The following DUSP22 variants were observed in gnomAD, a reference collection of about 807,000 sequenced individuals.
DUSP22 encodes the protein dual specificity protein phosphatase 22.
In DUSP22, 24 loss-of-function variants were observed where a neutral mutation model predicts 24.5. That is an observed-to-expected ratio of 0.98 (90% confidence interval 0.71 to 1.38). The LOEUF (loss-of-function observed/expected upper bound fraction) is 1.38. Among genes scored for constraint, DUSP22 ranks in the 40% most tolerant of loss-of-function variants. The probability of loss-of-function intolerance (pLI) is 0.00; values close to 1 mark genes in which losing one functional copy is unlikely to be tolerated. For synonymous variants in DUSP22, 160 were observed against 106.4 expected (o/e 1.50, Z -3.10); for missense variants, 330 against 269.2 (o/e 1.23, Z -1.58).
At chr6:321,209 TG>T (rs1209493525) in intron 3 of DUSP22, among the ~76,000 whole-genome samples, 2 of 152,294 alleles carry the variant, frequency 1.3e-5, no homozygotes, top group African/African-American at 4.8e-5. Context: ...CACTAAGGGA[TG>T]GGGCATGCAA....
intron 3 of DUSP22, among the ~76,000 whole-genome samples, chr6:316,038 G>A (rs1032640882): frequency 6.6e-6 from 1 of 152,306 alleles, no homozygotes; most frequent in African/African-American, 2.4e-5. Flanking sequence ...GGCCTTTGGC[G>A]ATGCCTAAGA....
At chr6:305,827 T>C (rs945992112) in intron 2 of DUSP22, among the ~76,000 whole-genome samples, 1 of 152,296 alleles carries the variant, frequency 6.6e-6, no homozygotes, top group African/African-American at 2.4e-5. Flanking sequence ...AGGCAGCTAA[T>C]GCTCCTCCCT....
At chr6:332,452 C>G (rs551856543) in intron 3 of DUSP22, among the ~76,000 whole-genome samples, 1 of 152,426 alleles carries the variant, frequency 6.6e-6, no homozygotes. Flanking sequence ...CTCGTGCCCA[C>G]CTGACAAGGT....
intron 1 of DUSP22, among the ~76,000 whole-genome samples, chr6:296,239 A>G (rs1757322791): frequency 6.6e-6 from 1 of 152,302 alleles, no homozygotes. Flanking sequence ...GATGCCCCAC[A>G]CTGGCCAAAA....
intron 3 of DUSP22, among the ~76,000 whole-genome samples, chr6:316,211 G>C (rs1300703764): frequency 6.6e-6 from 1 of 152,306 alleles, no homozygotes; most frequent in Non-Finnish European, 1.5e-5. Flanking sequence ...CAGGGCCAGG[G>C]CTGGAACCAA....
chr6:297,161 G>T (rs900915878), intron 1 of DUSP22, among the ~76,000 whole-genome samples: 1 of 152,302 alleles, frequency 6.6e-6, no homozygotes. Flanking sequence ...TAAGCTTCAG[G>T]ATTTTTTTCC....
chr6:346,154 A>G (rs1047271023), intron 5 of DUSP22, among the ~76,000 whole-genome samples: 3 of 152,270 alleles, frequency 2.0e-5, no homozygotes, highest in Non-Finnish European at 4.4e-5. Flanking sequence ...TCCCATTTCC[A>G]CTGCTAGGAT....
rs568409600 is a variant in DUSP22 at position 316,157 on chromosome 6, A to G, written c.138+4195A>G. ...GTGGATGGTGTTATTTAGTGCCTCT[A>G]TGGCTTAACCAGGCTGGTTCTCACA... On this transcript the variant is annotated intron_variant, in intron 3 of 6. Coordinates refer to ENST00000419235, the MANE Select transcript of DUSP22 (RefSeq NM_001286555.3). Among the ~76,000 whole-genome samples, 7 of 152,414 alleles carry G rather than the reference A, an allele frequency of 4.6e-5. No individual in the cohort carries two copies. In the East Asian group the frequency reaches 7.7e-4, roughly 17 times the overall value.
chr6:301,415 C>T (rs1757575144), intron 1 of DUSP22, among the ~76,000 whole-genome samples: 1 of 152,302 alleles, frequency 6.6e-6, no homozygotes, highest in East Asian at 1.9e-4. Flanking sequence ...GGAAATCCTT[C>T]AGAGATCGGT....
In DUSP22 at chr6:350,634, A is replaced by G. The variant is rs982016348; in HGVS notation, c.*1683A>G. The G allele has an allele frequency of 6.8e-5, 101 of 1,475,884 alleles. No individual in the cohort carries two copies. Among genetic ancestry groups the G allele is most frequent in the Admixed American group, 4.6e-5 (2 of 43,120 alleles). The allele number at this position is 1,475,884 out of a possible 1,614,324, so 91.4% of individuals were successfully genotyped here. On this transcript the variant is annotated 3_prime_UTR_variant, in exon 7 of 7. Transcript: ENST00000419235. ...GCTGTAGAATCATCCATCCGTCTAC[A>G]GCTAAAACAATTTGCCAATAAAGTA...
In DUSP22 at chr6:347,922, T is replaced by C. The variant is rs535729518; in HGVS notation, c.264-181T>C. ...CATGCGATTCTAGTGCCAGGAAGCATAGGGAGCTGGTACGTTGAGTGCTGA... is the reference window on the plus strand; with the variant it reads ...CATGCGATTCTAGTGCCAGGAAGCACAGGGAGCTGGTACGTTGAGTGCTGA... On this transcript the variant is annotated intron_variant, in intron 5 of 6. Transcript: ENST00000419235. Among the ~76,000 whole-genome samples, 3 of 152,410 alleles carry C rather than the reference T, an allele frequency of 2.0e-5. No homozygotes were observed. In the East Asian group the frequency reaches 5.8e-4, roughly 29 times the overall value.
At chr6:342,194 G>T (rs956439476) in intron 4 of DUSP22, among the ~76,000 whole-genome samples, 2 of 152,308 alleles carry the variant, frequency 1.3e-5, no homozygotes, top group Non-Finnish European at 2.9e-5. Flanking sequence ...GTGTTCTGAC[G>T]TGCTCTGTGG....
chr6:348,644 C>T (rs1465789487), intron 6 of DUSP22, 125 bp from the exon 7 acceptor site: 2 of 1,486,580 alleles, frequency 1.3e-6, no homozygotes, highest in African/African-American at 1.4e-5. Context: ...TCTGATTTCC[C>T]ACTGCTGTTT....
chr6:294,633 C>T (rs1757243576), intron 1 of DUSP22, among the ~76,000 whole-genome samples: 1 of 152,260 alleles, frequency 6.6e-6, no homozygotes, highest in South Asian at 2.1e-4. Context: ...GGAAAAATCT[C>T]GGGACCCCCA....
chr6:309,505 A>G (rs1008111119), intron 2 of DUSP22, among the ~76,000 whole-genome samples: 2 of 152,300 alleles, frequency 1.3e-5, no homozygotes, highest in South Asian at 2.1e-4. Context: ...TGGTATTTTA[A>G]TATCACCTAA....
chr6:312,720 G>C (rs1486475648), intron 3 of DUSP22, among the ~76,000 whole-genome samples: 1 of 152,410 alleles, frequency 6.6e-6, no homozygotes. Flanking sequence ...GGTTCAGGCT[G>C]TTTTCATTTA....
chr6:293,125 T>C (rs1180052750), intron 1 of DUSP22, among the ~76,000 whole-genome samples: 1 of 152,300 alleles, frequency 6.6e-6, no homozygotes, highest in Non-Finnish European at 1.5e-5. Flanking sequence ...GATTAGGTTA[T>C]GTGACTTCTG....
intron 4 of DUSP22, among the ~76,000 whole-genome samples, chr6:340,796 G>C (rs867787836): frequency 3.0e-4 from 45 of 152,420 alleles, no homozygotes; most frequent in African/African-American, 9.6e-4. Flanking sequence ...ACTCCAACAG[G>C]CAAAGTCCTT....
intron 3 of DUSP22, among the ~76,000 whole-genome samples, chr6:319,553 T>A (rs1381751102): frequency 6.6e-6 from 1 of 152,306 alleles, no homozygotes; most frequent in Non-Finnish European, 1.5e-5. Flanking sequence ...ATCTGTGCCC[T>A]TTTTTAGGAC....
Sources: gnomAD v4.1 joint callset for allele counts (sites outside exome capture counted in the v4.1 genomes callset) on GRCh38, gnomAD v4.1.1 for gene constraint, MANE v1.5 for transcripts, NCBI Gene and HGNC (gene_info 2026-07-23, HGNC 2026-07-21) for gene names.